Variants in KLHL22 observed in about 807,000 individuals in gnomAD.
The protein encoded by KLHL22 is kelch like family member 22.
KLHL22 carries 18 observed loss-of-function variants against 60.7 expected under a neutral mutation model. The ratio of observed to expected loss-of-function variants is 0.30; its 90% CI spans 0.20 to 0.44. The LOEUF (loss-of-function observed/expected upper bound fraction) is 0.44. Ranked by LOEUF, KLHL22 falls within the 20% of genes least tolerant of loss-of-function variation. The pLI is 1.00. For missense variants in KLHL22, 596 were observed against 852.3 expected (o/e 0.70, Z 3.74); for synonymous variants, 355 against 354.5 (o/e 1.00, Z -0.01).
At chr22:20,478,235 C>CTG (rs201096405) in intron 2 of KLHL22, among the ~76,000 whole-genome samples, 9,499 of 146,378 alleles carry the variant, frequency 0.065, 777 homozygotes, top group East Asian at 0.46. Context: ...GGCAGAGTTT[C>CTG]ACTCTTGTTG....
At chr22:20,466,372 TAAAAAAAAAA>T (rs361874) in intron 3 of KLHL22, among the ~76,000 whole-genome samples, 1 of 70,604 alleles carries the variant, frequency 1.4e-5, no homozygotes, top group Non-Finnish European at 2.6e-5. Context: ...AGACTCCGTC[TAAAAAAAAAA>T]AAAAAAAAAA....
At chr22:20,454,103 C>CAGAT (rs1467209735) in intron 5 of KLHL22, among the ~76,000 whole-genome samples, 1 of 152,128 alleles carries the variant, frequency 6.6e-6, no homozygotes, top group Non-Finnish European at 1.5e-5. Context: ...CCGAGGCAGA[C>CAGAT]AGATCCCTTG....
intron 2 of KLHL22, among the ~76,000 whole-genome samples, chr22:20,472,131 C>T (rs1221369616): frequency 1.3e-5 from 2 of 151,954 alleles, no homozygotes; most frequent in African/African-American, 4.8e-5. Context: ...TCTGTAGTCC[C>T]AGCTACTTTG....
intron 5 of KLHL22, among the ~76,000 whole-genome samples, chr22:20,448,103 C>A (rs1480686584): frequency 6.6e-6 from 1 of 152,166 alleles, no homozygotes; most frequent in Admixed American, 6.5e-5. Context: ...TGGAAACCAC[C>A]AATCTCTTCT....
intron 2 of KLHL22, chr22:20,482,732 C>T (rs2053524144): frequency 1.7e-6 from 1 of 602,040 alleles, no homozygotes; most frequent in Admixed American, 2.9e-5. Flanking sequence ...ACCACAACAC[C>T]TGGCTAATTT....
rs1291391934 is a variant in KLHL22 at position 20,444,914 on chromosome 22, T to TG, written c.1539+1528dup. On this transcript the variant is annotated intron_variant, in intron 6 of 6. Coordinates refer to ENST00000328879, the MANE Select transcript of KLHL22 (RefSeq NM_032775.4). ...ATTCTCCCTCAGCCTCCCAAGTAGC[T>TG]GGGACCACAGGTGCAAGCCACCATG... Among the ~76,000 whole-genome samples, 3 of 152,160 alleles carry TG rather than the reference T, an allele frequency of 2.0e-5. No homozygotes were observed. In the East Asian group the frequency reaches 5.8e-4, roughly 29 times the overall value.
chr22:20,467,873 T>C (rs965703053), intron 3 of KLHL22, among the ~76,000 whole-genome samples: 9 of 152,178 alleles, frequency 5.9e-5, no homozygotes, highest in Non-Finnish European at 4.4e-5. Flanking sequence ...TTAGCCAGGA[T>C]GGTCTCGATC....
Position 20,495,379 on chromosome 22 carries a change from C to G in KLHL22, c.-34+381G>C, listed in dbSNP as rs2053752485. 1.3e-5 allele frequency among the ~76,000 whole-genome samples: 2 copies of G among 152,126 alleles called. No individual in the cohort carries two copies. The highest frequency in any genetic ancestry group is 2.9e-5 in the Non-Finnish European group (2 of 67,996). On this transcript the variant is annotated intron_variant, in intron 1 of 6. Coordinates refer to ENST00000328879, the MANE Select transcript of KLHL22 (RefSeq NM_032775.4). This position sits in a 1 kb window ranked among gnomAD's most constrained non-coding sequence, Gnocchi z 4.6. Reference sequence around the variant, plus strand: ...CCGGCCCCAAATCGCCCGCCTGTTGCAAGGCCGCCCGCTCCAGCGCGGAGG... The same window carrying G: ...CCGGCCCCAAATCGCCCGCCTGTTGGAAGGCCGCCCGCTCCAGCGCGGAGG...
At chr22:20,480,023 A>C (rs763430791) in intron 2 of KLHL22, among the ~76,000 whole-genome samples, 3 of 152,246 alleles carry the variant, frequency 2.0e-5, no homozygotes, top group Non-Finnish European at 2.9e-5. Flanking sequence ...TCAGCCTTCA[A>C]AATGAAGGAA....
rs372850680 is a variant in KLHL22, at chr22:20,479,874, A to C, written c.228-8359T>G. Among the ~76,000 whole-genome samples the C allele has an allele frequency of 4.6e-5, 7 of 152,328 alleles. No homozygotes were observed. In the South Asian group the frequency reaches 8.3e-4, roughly 18 times the overall value. On this transcript the variant is annotated intron_variant, in intron 2 of 6. Transcript: ENST00000328879. The stretch of plus-strand genomic sequence containing the variant: ...TCTGGGAATATAGCCAAAGAACTGA[A>C]AGCAGAGTCTCAGACATTTGCACAC...
intron 5 of KLHL22, among the ~76,000 whole-genome samples, chr22:20,453,697 A>T (rs2053016094): frequency 6.6e-6 from 1 of 152,186 alleles, no homozygotes; most frequent in South Asian, 2.1e-4. Flanking sequence ...AGTAAAATCA[A>T]ATCAAAATTA....
chr22:20,467,751 C>T (rs772441806), intron 3 of KLHL22, among the ~76,000 whole-genome samples: 6 of 152,138 alleles, frequency 3.9e-5, no homozygotes, highest in Admixed American at 6.5e-5. Flanking sequence ...CTCCGCCTCC[C>T]GGGTTCACGC....
rs543629897 is a variant in KLHL22 at position 20,489,543 on chromosome 22, C to A, written c.-33-299G>T. ...GGAAACAGACTGACCTGGGTTGGAGCCCAACTCCACAGGGACTTACAACAT... is the reference window on the plus strand; with the variant it reads ...GGAAACAGACTGACCTGGGTTGGAGACCAACTCCACAGGGACTTACAACAT... On this transcript the variant is annotated intron_variant, in intron 1 of 6. Transcript: ENST00000328879. Among the ~76,000 whole-genome samples, 49 of 152,274 alleles carry A rather than the reference C, an allele frequency of 3.2e-4. 1 individual carries two copies. In the South Asian group the frequency reaches 0.01, roughly 32 times the overall value.
At chr22:20,470,334 G>A (rs2053294622) in intron 3 of KLHL22, among the ~76,000 whole-genome samples, 1 of 148,922 alleles carries the variant, frequency 6.7e-6, no homozygotes, top group Non-Finnish European at 1.5e-5. Context: ...GGGTAACAGA[G>A]TGAGACCCTG....
chr22:20,452,318 AG>A (rs1202158779), intron 5 of KLHL22, among the ~76,000 whole-genome samples: 2 of 151,984 alleles, frequency 1.3e-5, no homozygotes, highest in Non-Finnish European at 2.9e-5. Context: ...GGGGCAACAC[AG>A]TTCCATTCTA....
At chr22:20,482,416 G>C (rs1210733133) in intron 2 of KLHL22, among the ~76,000 whole-genome samples, 1 of 151,884 alleles carries the variant, frequency 6.6e-6, no homozygotes, top group Admixed American at 6.6e-5. Context: ...ACAAGGTCTT[G>C]CTGTGTCACC....
chr22:20,455,474 T>A (rs2053048600), intron 5 of KLHL22, among the ~76,000 whole-genome samples: 1 of 152,208 alleles, frequency 6.6e-6, no homozygotes, highest in Admixed American at 6.5e-5. Context: ...TCTGCTAGAC[T>A]AGGCAGATGG....
chr22:20,481,429 C>T (rs987560619), intron 2 of KLHL22, among the ~76,000 whole-genome samples: 8 of 151,908 alleles, frequency 5.3e-5, no homozygotes, highest in East Asian at 2.0e-4. Flanking sequence ...AAAAATTAGC[C>T]GGGTGTGGTG....
At chr22:20,486,026 G>A (rs1366626638) in intron 2 of KLHL22, among the ~76,000 whole-genome samples, 5 of 150,978 alleles carry the variant, frequency 3.3e-5, no homozygotes, top group African/African-American at 4.9e-5. Flanking sequence ...AAATTAGCCG[G>A]GCGTGGTGGC....
Sources: gnomAD v4.1 joint callset for allele counts (sites outside exome capture counted in the v4.1 genomes callset) on GRCh38, gnomAD v4.1.1 for gene constraint, Gnocchi (gnomAD v3.1) non-coding constraint, MANE v1.5 for transcripts, NCBI Gene and HGNC (gene_info 2026-07-23, HGNC 2026-07-21) for gene names.